The following PRKAR1A variants were observed in gnomAD, a reference collection of about 807,000 sequenced individuals.
The protein encoded by PRKAR1A is cAMP-dependent protein kinase type I-alpha regulatory subunit.
A neutral mutation model predicts 52.0 loss-of-function variants in PRKAR1A; 3 were observed. That is an observed-to-expected ratio of 0.06 (90% confidence interval 0.03 to 0.15). PRKAR1A has a LOEUF of 0.15. Ranked by LOEUF, PRKAR1A falls within the 10% of genes least tolerant of loss-of-function variation. The probability of loss-of-function intolerance (pLI) is 1.00; values close to 1 mark genes in which losing one functional copy is unlikely to be tolerated. For missense variants in PRKAR1A, 240 were observed against 477.4 expected, an observed-to-expected ratio of 0.50 and a Z score of 4.63; for synonymous variants, 188 against 168.4, an observed-to-expected ratio of 1.12 and a Z score of -0.90.
the PRKAR1A span, chr17:68,420,286 C>T: frequency 6.2e-7 from 1 of 1,613,950 alleles, no homozygotes; most frequent in East Asian, 2.2e-5. Flanking sequence ...AAGCTGTGCC[C>T]CTAGAAAGAG....
At chr17:68,542,223 T>C in intron 11 of PRKAR1A, 1 of 1,586,802 alleles carries the variant, frequency 6.3e-7, no homozygotes. Context: ...GCATGACATC[T>C]TCCTGGCCTA....
the PRKAR1A span, chr17:68,436,230 G>C: frequency 4.4e-6 from 3 of 688,188 alleles, no homozygotes; most frequent in Non-Finnish European, 7.6e-6. Context: ...AAGCCCGAGG[G>C]GAAATAGTAT....
chr17:68,518,039 G>C (rs1308097094), intron 2 of PRKAR1A, among the ~76,000 whole-genome samples: 1 of 152,236 alleles, frequency 6.6e-6, no homozygotes. Flanking sequence ...TTGACTCCAT[G>C]TCTCACATTC....
chr17:68,458,361 C>T, the PRKAR1A span, among the ~76,000 whole-genome samples: 1 of 152,170 alleles, frequency 6.6e-6, no homozygotes, highest in Admixed American at 6.5e-5. Context: ...AAGACCTGTG[C>T]ACTAAATAAC....
the PRKAR1A span, chr17:68,428,626 C>T: frequency 7.5e-6 from 4 of 533,056 alleles, no homozygotes; most frequent in Non-Finnish European, 1.4e-5. Flanking sequence ...TTAATCCTGG[C>T]ACTTTTCCAG....
intron 7 of PRKAR1A, among the ~76,000 whole-genome samples, chr17:68,526,888 A>C (rs1261712858): frequency 6.6e-6 from 1 of 152,118 alleles, no homozygotes; most frequent in African/African-American, 2.4e-5. Flanking sequence ...TACCTATATA[A>C]CCTGCACATG....
intron 11 of PRKAR1A, among the ~76,000 whole-genome samples, chr17:68,539,040 C>G (rs1227618160): frequency 6.6e-6 from 1 of 152,114 alleles, no homozygotes; most frequent in Non-Finnish European, 1.5e-5. Context: ...GCTACAAAAC[C>G]TTTACAACAC....
the PRKAR1A span, among the ~76,000 whole-genome samples, chr17:68,437,615 T>C: frequency 6.6e-6 from 1 of 150,620 alleles, no homozygotes; most frequent in Non-Finnish European, 1.5e-5. Flanking sequence ...ATAAGGGAAA[T>C]GGGTACCTCC....
chr17:68,506,475 C>G, the PRKAR1A span, among the ~76,000 whole-genome samples: 1 of 150,166 alleles, frequency 6.7e-6, no homozygotes, highest in Non-Finnish European at 1.5e-5. Context: ...CCCCTTCAGA[C>G]TGTGAAATTT....
chr17:68,523,916 TCACCAGATGACAG>T (rs2085698137), intron 4 of PRKAR1A, 87 bp from the exon 5 acceptor site: 13 of 1,573,468 alleles, frequency 8.3e-6, no homozygotes, highest in Non-Finnish European at 1.1e-5. Flanking sequence ...TAGTAATTGT[TCACCAGATGACAG>T]TCTGGGGTCT....
At chr17:68,504,247 T>A in the PRKAR1A span, among the ~76,000 whole-genome samples, 2 of 151,878 alleles carry the variant, frequency 1.3e-5, no homozygotes, top group Non-Finnish European at 2.9e-5. Context: ...GGAAGATCAT[T>A]TGAGGTCAGG....
the PRKAR1A span, among the ~76,000 whole-genome samples, chr17:68,433,163 C>T: frequency 1.3e-5 from 2 of 152,242 alleles, no homozygotes; most frequent in African/African-American, 4.8e-5. Context: ...TCATTTAATA[C>T]TACTGTTATG....
the PRKAR1A span, among the ~76,000 whole-genome samples, chr17:68,462,353 C>T: frequency 1.3e-5 from 2 of 152,308 alleles, no homozygotes; most frequent in South Asian, 4.1e-4. Flanking sequence ...CATGCCAGTG[C>T]AGAGAGGTTC....
chr17:68,500,294 G>A, the PRKAR1A span, among the ~76,000 whole-genome samples: 1 of 152,128 alleles, frequency 6.6e-6, no homozygotes, highest in African/African-American at 2.4e-5. Context: ...TCATGGGGGC[G>A]GTTCCCCCAT....
At chr17:68,512,034 T>TG (rs2085275116), upstream of PRKAR1A, 1 of 149,638 alleles carries the variant, frequency 6.7e-6, no homozygotes, top group African/African-American at 2.5e-5. Flanking sequence ...GAGAGTGGGG[T>TG]GGACAGAGGA....
chr17:68,505,253 T>C, the PRKAR1A span, among the ~76,000 whole-genome samples: 1 of 152,280 alleles, frequency 6.6e-6, no homozygotes, highest in Admixed American at 6.5e-5. Context: ...ATCATGCCAC[T>C]GCACTCCAGC....
chr17:68,437,860 T>C, the PRKAR1A span, among the ~76,000 whole-genome samples: 2 of 144,652 alleles, frequency 1.4e-5, no homozygotes, highest in Non-Finnish European at 1.5e-5. Context: ...TGAATAGAGG[T>C]GCACATGATA....
intron 2 of PRKAR1A, among the ~76,000 whole-genome samples, chr17:68,520,925 T>A (rs1190907978): frequency 6.6e-6 from 1 of 152,110 alleles, no homozygotes; most frequent in East Asian, 1.9e-4. Flanking sequence ...TCTTAAACTG[T>A]GTGTGTGTTT....
At chr17:68,414,309 G>T in the PRKAR1A span, 2 of 152,234 alleles carry the variant, frequency 1.3e-5, no homozygotes, top group East Asian at 3.9e-4. Flanking sequence ...TTTATGTGGT[G>T]TATCACATTT....
Sources: allele counts gnomAD v4.1 joint callset (sites outside exome capture counted in the v4.1 genomes callset), GRCh38; gene constraint gnomAD v4.1.1; transcripts MANE v1.5; gene names NCBI Gene and HGNC (gene_info 2026-07-23, HGNC 2026-07-21).